The following FRMPD4 variants were observed in gnomAD, a reference collection of about 807,000 sequenced individuals.
FRMPD4 encodes FERM and PDZ domain containing 4.
Under a neutral mutation model 94.1 loss-of-function variants are expected in FRMPD4, and 22 were observed. The observed-to-expected ratio is 0.23, with a 90% CI of 0.17 to 0.33. The LOEUF is 0.33. Ranked by LOEUF, FRMPD4 falls within the 10% of genes least tolerant of loss-of-function variation. The pLI is 1.00. For synonymous variants in FRMPD4, 631 were observed against 548.6 expected (o/e 1.15, Z -2.10); for missense variants, 1,111 against 1,339.9 (o/e 0.83, Z 2.67).
chrX:11,980,016 C>A (rs376749336), intron 3 of FRMPD4, among the ~76,000 whole-genome samples: 1 of 111,564 alleles, frequency 9.0e-6, no homozygotes, highest in African/African-American at 3.3e-5. Context: ...TGTGTGTGCA[C>A]GCACGCTCAT....
At position 11,988,001 on chromosome X, in the gene FRMPD4, T is replaced by C. The variant is rs1266899492; in HGVS notation, c.95+109983T>C. Among the ~76,000 whole-genome samples, 3 of 111,498 alleles carry C rather than the reference T, an allele frequency of 2.7e-5. No homozygotes were observed. In the Admixed American group the frequency reaches 2.8e-4, roughly 11 times the overall value. The stretch of plus-strand genomic sequence containing the variant: ...TGGAAGAATGAATATTGTTAAAATG[T>C]CCATACTACCCAAAGTAATCTACAG... On this transcript the variant is annotated intron_variant, in intron 3 of 18. Coordinates refer to the FRMPD4 transcript ENST00000640291.
At chrX:12,665,439 G>A (rs1251091102) in intron 4 of FRMPD4, among the ~76,000 whole-genome samples, 24 of 80,677 alleles carry the variant, frequency 3.0e-4, no homozygotes, top group African/African-American at 9.3e-4. Context: ...GCGAGACTCC[G>A]TCTCAAAAAA....
intron 1 of FRMPD4, among the ~76,000 whole-genome samples, chrX:12,312,836 AT>A (rs35433855): frequency 0.15 from 16,403 of 110,678 alleles, 1,190 homozygotes; most frequent in Admixed American, 0.39. Context: ...AATTGACACC[AT>A]TCCCTGCCCT....
At chrX:12,265,736 T>A (rs765160138) in intron 1 of FRMPD4, among the ~76,000 whole-genome samples, 1 of 107,367 alleles carries the variant, frequency 9.3e-6, no homozygotes, top group East Asian at 2.8e-4. Context: ...CTTGGGTGAT[T>A]AGATCTCAGT....
intron 2 of FRMPD4, among the ~76,000 whole-genome samples, chrX:12,552,946 A>G (rs1309331975): frequency 2.7e-5 from 3 of 111,917 alleles, no homozygotes; most frequent in African/African-American, 6.5e-5. Context: ...GCCTGAGCCC[A>G]GGAGTTTGAG....
chrX:11,841,574 G>A (rs776769466), intron 1 of FRMPD4, among the ~76,000 whole-genome samples: 16 of 110,334 alleles, frequency 1.5e-4, no homozygotes, highest in East Asian at 1.1e-3. Context: ...CATATCCTTC[G>A]CCCACTTTTT....
At position 12,587,746 on chromosome X, in the gene FRMPD4, G is replaced by T. The variant is rs186533999; in HGVS notation, c.159-21975G>T. Among the ~76,000 whole-genome samples the T allele has an allele frequency of 3.6e-5, 4 of 111,037 alleles. No individual in the cohort carries two copies. The East Asian group carries it at 1.1e-3, about 31-fold the overall frequency. On this transcript the variant is annotated intron_variant, in intron 2 of 16. Coordinates refer to ENST00000675598, the MANE Select transcript of FRMPD4 (RefSeq NM_001368397.1). ...TTCTACCTCTTAGTTCTCATGAATA[G>T]TGTTGCTGTAAACGATCATGTACAA...
intron 1 of FRMPD4, among the ~76,000 whole-genome samples, chrX:12,323,554 T>C (rs1203867542): frequency 8.9e-6 from 1 of 111,780 alleles, no homozygotes; most frequent in Non-Finnish European, 1.9e-5. Flanking sequence ...AACTGCTCTT[T>C]ACTGGGGTCA....
At chrX:12,274,805 C>G (rs1483915564) in intron 1 of FRMPD4, among the ~76,000 whole-genome samples, 2 of 112,191 alleles carry the variant, frequency 1.8e-5, no homozygotes, top group Admixed American at 1.9e-4. Context: ...GTCAGGAGAT[C>G]GAGACCATCC....
At chrX:12,573,179 A>G (rs777190720) in intron 2 of FRMPD4, among the ~76,000 whole-genome samples, 12 of 112,041 alleles carry the variant, frequency 1.1e-4, no homozygotes, top group East Asian at 2.8e-4. Context: ...CTGAGCCCCA[A>G]TAGTTCTTAA....
intron 9 of FRMPD4, among the ~76,000 whole-genome samples, chrX:12,699,501 G>A (rs987022564): frequency 8.9e-6 from 1 of 112,584 alleles, no homozygotes; most frequent in Admixed American, 9.3e-5. Context: ...GTGCACGCAC[G>A]GCACAGCACC....
In FRMPD4 at chrX:12,517,780, G is replaced by A. The variant is rs778786371; in HGVS notation, c.158+18984G>A. ...GGGATTCACACTAATCTGGTGTGCCGGGATTCCTCCGAGCCAGCAGGGGGA... is the reference window on the plus strand; with the variant it reads ...GGGATTCACACTAATCTGGTGTGCCAGGATTCCTCCGAGCCAGCAGGGGGA... On this transcript the variant is annotated intron_variant, in intron 2 of 16. Transcript: ENST00000675598. 3.2e-4 allele frequency among the ~76,000 whole-genome samples: 36 copies of A among 112,750 alleles called. No individual in the cohort carries two copies. In the South Asian group the frequency reaches 5.1e-3, roughly 16 times the overall value.
At chrX:12,037,376 CA>C (rs34528441) in intron 3 of FRMPD4, among the ~76,000 whole-genome samples, 1 of 110,908 alleles carries the variant, frequency 9.0e-6, no homozygotes, top group Non-Finnish European at 1.9e-5. Context: ...TCGATCATAC[CA>C]AAAAGTTTCT....
chrX:12,181,297 G>A (rs1332814671), intron 1 of FRMPD4, among the ~76,000 whole-genome samples: 4 of 111,680 alleles, frequency 3.6e-5, no homozygotes, highest in Non-Finnish European at 7.5e-5. Context: ...CAACTAAGAG[G>A]TACAAGTTTA....
chrX:12,109,282 C>T (rs1246957180), intron 3 of FRMPD4, among the ~76,000 whole-genome samples: 1 of 112,031 alleles, frequency 8.9e-6, no homozygotes, highest in East Asian at 2.8e-4. Flanking sequence ...CTCAAAACTG[C>T]TCAACTACAT....
intron 1 of FRMPD4, among the ~76,000 whole-genome samples, chrX:12,454,347 A>T (rs764538277): frequency 8.9e-6 from 1 of 111,919 alleles, no homozygotes; most frequent in Non-Finnish European, 1.9e-5. Flanking sequence ...CTTGTATGAC[A>T]AATTCCTATT....
At chrX:12,522,696 T>C (rs937028891) in intron 2 of FRMPD4, among the ~76,000 whole-genome samples, 1 of 101,880 alleles carries the variant, frequency 9.8e-6, no homozygotes, top group Non-Finnish European at 2.0e-5. Context: ...TCTGCCTGCC[T>C]GATTCAAGTG....
Position 12,720,595 on chromosome X carries a change from T to G in FRMPD4, c.4026T>G (p.Pro1342=). 3 of 1,201,178 alleles carry G rather than the reference T, an allele frequency of 2.5e-6. No individual in the cohort carries two copies. The highest frequency in any genetic ancestry group is 2.2e-6 in the Non-Finnish European group (2 of 890,266). ...TGCCTTCAGCTTGGTCTCAACATCC[T>G]GAAGCTGATCCCATCCTGCTACCAT... ...GGMPSAWSQH[P]EADPILLPSN... The change falls in exon 17 of 17, where the codon CCT becomes CCG. Residue 1342 remains proline, a synonymous_variant. Coordinates refer to ENST00000675598, the MANE Select transcript of FRMPD4 (RefSeq NM_001368397.1).
At chrX:12,291,960 T>C (rs1172138553) in intron 1 of FRMPD4, among the ~76,000 whole-genome samples, 1 of 111,944 alleles carries the variant, frequency 8.9e-6, no homozygotes, top group Non-Finnish European at 1.9e-5. Context: ...AACTCTGCTG[T>C]CTGTGGCCTA....
Sources: allele counts gnomAD v4.1 joint callset (sites outside exome capture counted in the v4.1 genomes callset), GRCh38; gene constraint gnomAD v4.1.1; transcripts MANE v1.5; gene names NCBI Gene and HGNC (gene_info 2026-07-23, HGNC 2026-07-21).